CYP4F12: variants seen among roughly 807,000 people sequenced by gnomAD.
The protein encoded by CYP4F12 is cytochrome P450 4F12.
A neutral mutation model predicts 56.5 loss-of-function variants in CYP4F12; 60 were observed. That is an observed-to-expected ratio of 1.06 (90% CI 0.86 to 1.32). The LOEUF (loss-of-function observed/expected upper bound fraction) is 1.32, where lower values mean the gene tolerates loss of function less well. Among genes scored for constraint, CYP4F12 ranks in the 40% most tolerant of loss-of-function variants. CYP4F12 has a pLI of 0.00. For missense variants in CYP4F12, 711 were observed against 683.5 expected (o/e 1.04, Z -0.45); for synonymous variants, 263 against 264.9 (o/e 0.99, Z 0.07).
Position 15,677,650 on chromosome 19 carries a change from C to G in CYP4F12, c.199-611C>G, listed in dbSNP as rs1273562524. On this transcript the variant is annotated intron_variant, in intron 2 of 12. Transcript: ENST00000550308. ...TTCCTCTCCTCACTTACTCATTCCT[C>G]TCCTCACTCACTCATTCCTCTCCTC... Among the ~76,000 whole-genome samples, 4 of 82,892 alleles carry G rather than the reference C, an allele frequency of 4.8e-5. 2 individuals carry two copies. Among genetic ancestry groups the G allele is most frequent in the Non-Finnish European group, 1.0e-4 (4 of 40,004 alleles). The allele number at this position is 82,892 out of a possible 152,430, so 54.4% of individuals were successfully genotyped here. A position where few individuals can be genotyped will look rare whatever the true frequency, so the allele number is the denominator to read the frequency against.
intron 9 of CYP4F12, among the ~76,000 whole-genome samples, chr19:15,687,660 G>T (rs559691947): frequency 1.3e-5 from 2 of 148,412 alleles, no homozygotes; most frequent in Non-Finnish European, 3.0e-5. Flanking sequence ...AGAGTAAGAG[G>T]GGGAGAGACT....
chr19:15,692,953 C>A (rs2007941821), intron 9 of CYP4F12, among the ~76,000 whole-genome samples: 1 of 152,060 alleles, frequency 6.6e-6, no homozygotes, highest in South Asian at 2.1e-4. Context: ...TGGTGAATGC[C>A]TGTAGTCCCA....
intron 9 of CYP4F12, among the ~76,000 whole-genome samples, chr19:15,694,674 C>T (rs1481222159): frequency 2.6e-5 from 4 of 152,222 alleles, no homozygotes; most frequent in Non-Finnish European, 4.4e-5. Context: ...AATTGAATAA[C>T]CTTTATTTCC....
In CYP4F12 at chr19:15,678,304, C is replaced by T. The variant is rs374928118; in HGVS notation, c.242C>T (p.Ser81Leu). Reference protein sequence around the residue: ...EEGLKNSTQMSATYSQGFTVW... With the variant: ...EEGLKNSTQMLATYSQGFTVW... Reference sequence around the variant, plus strand: ...GGCTTGAAGAACTCGACCCAGATGTCGGCCACCTATTCCCAGGGCTTTACG... The same window carrying T: ...GGCTTGAAGAACTCGACCCAGATGTTGGCCACCTATTCCCAGGGCTTTACG... Residue 81 changes from serine (S) to leucine (L), a missense_variant, in exon 3 of 13, where the codon TCG becomes TTG. Coordinates refer to ENST00000550308, the MANE Select transcript of CYP4F12 (RefSeq NM_023944.4). The T allele has an allele frequency of 4.7e-5, 76 of 1,614,178 alleles. No individual in the cohort carries two copies. The highest frequency in any genetic ancestry group is 3.3e-4 in the South Asian group (30 of 91,080).
chr19:15,676,096 A>G (rs1209980041), intron 2 of CYP4F12, among the ~76,000 whole-genome samples: 1 of 152,134 alleles, frequency 6.6e-6, no homozygotes, highest in Non-Finnish European at 1.5e-5. Context: ...GCAGCAGAAG[A>G]GAGAGCAAGT....
chr19:15,684,539 G>A, intron 7 of CYP4F12: 1 of 402,320 alleles, frequency 2.5e-6, no homozygotes, highest in Non-Finnish European at 4.4e-6. Context: ...CTGAAAGTCT[G>A]TATTATGCAG....
intron 9 of CYP4F12, among the ~76,000 whole-genome samples, chr19:15,695,610 T>C (rs932960850): frequency 2.0e-5 from 3 of 152,164 alleles, no homozygotes; most frequent in Non-Finnish European, 4.4e-5. Flanking sequence ...TGGATCTGGG[T>C]ATTTTGTTTG....
chr19:15,689,800 C>T (rs887007191), intron 9 of CYP4F12, among the ~76,000 whole-genome samples: 20 of 152,062 alleles, frequency 1.3e-4, no homozygotes, highest in South Asian at 2.1e-4. Flanking sequence ...TGTCTTTTGC[C>T]GCAACTTGGA....
At position 15,689,224 on chromosome 19, in the gene CYP4F12, A is replaced by G. The variant is rs2007763136; in HGVS notation, c.1115+4027A>G. On this transcript the variant is annotated intron_variant, in intron 9 of 12. Coordinates refer to ENST00000550308, the MANE Select transcript of CYP4F12 (RefSeq NM_023944.4). Reference sequence around the variant, plus strand: ...ATCTGACAAAGGGCTAGTATCCAGAATCTACAAGGAACTCAAACAACTCAG... The same window carrying G: ...ATCTGACAAAGGGCTAGTATCCAGAGTCTACAAGGAACTCAAACAACTCAG... Among the ~76,000 whole-genome samples the G allele has an allele frequency of 2.0e-5, 3 of 151,724 alleles. No individual in the cohort carries two copies. The South Asian group carries it at 6.2e-4, about 32-fold the overall frequency.
chr19:15,680,674 T>A, intron 5 of CYP4F12, 155 bp downstream of exon 5: 1 of 987,834 alleles, frequency 1.0e-6, no homozygotes, highest in East Asian at 2.6e-5. Flanking sequence ...GGGATGATAA[T>A]CCCTACTTGA....
intron 2 of CYP4F12, among the ~76,000 whole-genome samples, chr19:15,677,281 C>T (rs1424798924): frequency 4.8e-5 from 1 of 20,906 alleles, no homozygotes; most frequent in Non-Finnish European, 1.0e-4. Flanking sequence ...TTAGTCATTC[C>T]TCTCCTCACT....
chr19:15,673,779 G>A (rs965000478), intron 2 of CYP4F12, 52 bp downstream of exon 2: 1 of 1,598,714 alleles, frequency 6.3e-7, no homozygotes, highest in African/African-American at 1.3e-5. Context: ...TGGACTTCCA[G>A]AGGAGCAGGA....
intron 9 of CYP4F12, among the ~76,000 whole-genome samples, chr19:15,686,401 A>G (rs746625412): frequency 6.6e-6 from 1 of 152,198 alleles, no homozygotes; most frequent in Non-Finnish European, 1.5e-5. Context: ...GCAAAAATGC[A>G]AAAAGAGGGA....
intron 9 of CYP4F12, among the ~76,000 whole-genome samples, chr19:15,689,892 G>GCT (rs1277165553): frequency 2.6e-5 from 4 of 152,202 alleles, no homozygotes; most frequent in Non-Finnish European, 5.9e-5. Flanking sequence ...ATAAGTGGGA[G>GCT]CTAAGCTGTG....
At chr19:15,682,883 G>A (rs2007380776) in intron 6 of CYP4F12, among the ~76,000 whole-genome samples, 1 of 152,166 alleles carries the variant, frequency 6.6e-6, no homozygotes, top group African/African-American at 2.4e-5. Flanking sequence ...GAAACTGATA[G>A]CCCACCACCA....
chr19:15,695,990 G>A lies in CYP4F12; in HGVS notation c.1170G>A (p.Arg390=), dbSNP rs1291927970. 1.9e-6 allele frequency: 3 copies of A among 1,613,896 alleles called. No individual in the cohort carries two copies. Among genetic ancestry groups the A allele is most frequent in the African/African-American group, 1.3e-5 (1 of 74,892 alleles). The part of the protein sequence containing the change: ...FLTMCVKESL[R]LHPPAPFISR... The stretch of plus-strand genomic sequence containing the variant: ...CCATGTGCGTGAAGGAGAGCCTGAG[G>A]TTACATCCCCCAGCTCCCTTCATCT... Residue 390 remains arginine (R), a synonymous_variant, in exon 10 of 13, where the codon AGG becomes AGA. Transcript: ENST00000550308.
At chr19:15,684,420 A>C (rs367872845) in intron 7 of CYP4F12, 1 of 179,764 alleles carries the variant, frequency 5.6e-6, no homozygotes, top group East Asian at 1.6e-4. Context: ...CTCTGGGTTT[A>C]CCACTCTAGA....
intron 5 of CYP4F12, chr19:15,680,852 A>G (rs1599957040): frequency 5.5e-6 from 2 of 366,448 alleles, no homozygotes; most frequent in South Asian, 2.2e-5. Flanking sequence ...AGGGTTTACA[A>G]TTGCTAACGA....
At chr19:15,681,278 C>T (rs1232365026) in intron 5 of CYP4F12, 1 of 152,368 alleles carries the variant, frequency 6.6e-6, no homozygotes, top group Non-Finnish European at 1.5e-5. Flanking sequence ...GAACGCATCT[C>T]TTAATGGGAG....
Sources: gnomAD v4.1 joint callset for allele counts (sites outside exome capture counted in the v4.1 genomes callset) on GRCh38, gnomAD v4.1.1 for gene constraint, MANE v1.5 for transcripts, NCBI Gene and HGNC (gene_info 2026-07-23, HGNC 2026-07-21) for gene names.